Variants in TRIO observed in about 807,000 individuals in gnomAD.
The protein encoded by TRIO is triple functional domain protein.
In TRIO, 58 loss-of-function variants were observed where a neutral mutation model predicts 351.9. The observed-to-expected ratio is 0.16, with a 90% CI of 0.13 to 0.21. The LOEUF is 0.21. Among genes scored for constraint, TRIO ranks in the 10% least tolerant of loss-of-function variants. The pLI is 1.00. For synonymous variants in TRIO, 1,758 were observed against 1,595.7 expected (o/e 1.10, Z -2.42); for missense variants, 3,201 against 4,027.8 (o/e 0.79, Z 5.56).
At chr5:14,473,752 T>C (rs1410607270) in intron 39 of TRIO, among the ~76,000 whole-genome samples, 4 of 152,274 alleles carry the variant, frequency 2.6e-5, no homozygotes, top group Non-Finnish European at 5.9e-5. Context: ...TAGAAGATTT[T>C]TGATCTGTGA....
chr5:14,145,502 A>G (rs199979951), intron 1 of TRIO, among the ~76,000 whole-genome samples: 1 of 129,694 alleles, frequency 7.7e-6, no homozygotes, highest in Non-Finnish European at 1.6e-5. Flanking sequence ...ACCCCCCCCC[A>G]CCTTTTTTTT....
chr5:14,306,394 T>A (rs1415161642), intron 8 of TRIO, among the ~76,000 whole-genome samples: 3 of 152,270 alleles, frequency 2.0e-5, no homozygotes, highest in South Asian at 2.1e-4. Context: ...ATAATTTTTT[T>A]AATCACATTG....
At chr5:14,276,642 G>C (rs1176553831) in intron 2 of TRIO, among the ~76,000 whole-genome samples, 2 of 152,238 alleles carry the variant, frequency 1.3e-5, no homozygotes, top group Non-Finnish European at 2.9e-5. Context: ...AGCGGCTGAA[G>C]AATCATTTCA....
At chr5:14,216,298 C>T (rs1346914383) in intron 1 of TRIO, among the ~76,000 whole-genome samples, 2 of 152,154 alleles carry the variant, frequency 1.3e-5, no homozygotes, top group Non-Finnish European at 2.9e-5. Flanking sequence ...ATGGGTTTGG[C>T]TGTATTAGAG....
At chr5:14,412,131 G>A (rs1749259027) in intron 33 of TRIO, among the ~76,000 whole-genome samples, 1 of 151,890 alleles carries the variant, frequency 6.6e-6, no homozygotes, top group Admixed American at 6.6e-5. Context: ...GAGATTATAG[G>A]CAAGTACCAC....
At chr5:14,479,127 C>G in intron 41 of TRIO, 134 bp from the exon 42 acceptor site, 1 of 720,704 alleles carries the variant, frequency 1.4e-6, no homozygotes, top group South Asian at 1.6e-5. Context: ...GGAATTTACT[C>G]CCGAGAGCCT....
At chr5:14,333,224 A>G (rs967660729) in intron 10 of TRIO, among the ~76,000 whole-genome samples, 17 of 152,312 alleles carry the variant, frequency 1.1e-4, no homozygotes, top group African/African-American at 3.8e-4. Flanking sequence ...GGTGAGAGAC[A>G]TAGATAGTTG....
chr5:14,267,619 C>T (rs1447436293), intron 1 of TRIO, among the ~76,000 whole-genome samples: 1 of 152,164 alleles, frequency 6.6e-6, no homozygotes. Flanking sequence ...TCCTAAATAG[C>T]TCTTCAGGGC....
intron 8 of TRIO, among the ~76,000 whole-genome samples, chr5:14,305,310 T>C (rs1246887070): frequency 6.6e-6 from 1 of 152,224 alleles, no homozygotes; most frequent in Non-Finnish European, 1.5e-5. Context: ...GATGCAACTT[T>C]AGATGGGTTG....
At chr5:14,205,162 C>G (rs1024763053) in intron 1 of TRIO, among the ~76,000 whole-genome samples, 1 of 152,210 alleles carries the variant, frequency 6.6e-6, no homozygotes. Context: ...CACAGAACAT[C>G]GTTGTGTAAC....
intron 32 of TRIO, 24 bp from the exon 33 acceptor site, chr5:14,406,549 C>T (rs761999473): frequency 6.2e-7 from 1 of 1,612,144 alleles, no homozygotes; most frequent in East Asian, 2.2e-5. Context: ...GCATCAGGAA[C>T]TAAAAGTTTC....
chr5:14,301,091 C>T (rs1203704657), intron 7 of TRIO, among the ~76,000 whole-genome samples: 2 of 152,050 alleles, frequency 1.3e-5, no homozygotes, highest in Non-Finnish European at 2.9e-5. Context: ...AGATTGGAGG[C>T]CCCCTCTCAG....
intron 1 of TRIO, among the ~76,000 whole-genome samples, chr5:14,194,835 A>C (rs1790674455): frequency 1.3e-5 from 2 of 152,218 alleles, no homozygotes; most frequent in South Asian, 4.1e-4. Flanking sequence ...AATTACACAA[A>C]GATTTCTATA....
intron 34 of TRIO, among the ~76,000 whole-genome samples, chr5:14,458,954 T>C (rs1289051459): frequency 6.6e-6 from 1 of 152,164 alleles, no homozygotes; most frequent in Non-Finnish European, 1.5e-5. Context: ...ATAGAGTAAA[T>C]ATATGAGAAA....
At chr5:14,498,404 G>A (rs189222188) in intron 52 of TRIO, 115 bp from the exon 53 acceptor site, 9 of 1,515,434 alleles carry the variant, frequency 5.9e-6, no homozygotes, top group Middle Eastern at 2.3e-4. Flanking sequence ...TGGGTGTACA[G>A]CTCCTCATCA....
At chr5:14,306,290 A>G (rs535806648) in intron 8 of TRIO, among the ~76,000 whole-genome samples, 4 of 152,348 alleles carry the variant, frequency 2.6e-5, no homozygotes, top group Admixed American at 1.3e-4. Context: ...TTTTGCACCA[A>G]TGTTTCTTAA....
chr5:14,197,801 G>GCA (rs1453960292), intron 1 of TRIO, among the ~76,000 whole-genome samples: 1 of 152,172 alleles, frequency 6.6e-6, no homozygotes, highest in Admixed American at 6.5e-5. Context: ...GGCCAGTTGT[G>GCA]CACACACAGT....
Position 14,465,422 on chromosome 5 carries a change from T to G in TRIO, c.5668-123T>G. The G allele has an allele frequency of 1.1e-5, 9 of 854,984 alleles. 1 individual carries two copies. The South Asian group carries it at 1.2e-4, about 12-fold the overall frequency. 53.0% of individuals were successfully genotyped at this position (854,984 alleles called of 1,614,324 possible). ...TAAATAAATGTAAACAAAGACAAAC[T>G]TGTGGTCTTTTTGTCTGGAATTACT... On this transcript the variant is annotated intron_variant, in intron 36 of 56. Coordinates refer to ENST00000344204, the MANE Select transcript of TRIO (RefSeq NM_007118.4).
intron 53 of TRIO, among the ~76,000 whole-genome samples, chr5:14,499,421 C>T (rs571893986): frequency 1.3e-5 from 2 of 152,338 alleles, no homozygotes; most frequent in African/African-American, 4.8e-5. Context: ...GAAGGCCGGC[C>T]ATGCAGTACT....
Sources: allele counts gnomAD v4.1 joint callset (sites outside exome capture counted in the v4.1 genomes callset), GRCh38; gene constraint gnomAD v4.1.1; transcripts MANE v1.5; gene names NCBI Gene and HGNC (gene_info 2026-07-23, HGNC 2026-07-21).